Variants in WDR41 observed in about 807,000 individuals in gnomAD.
The protein encoded by WDR41 is WD repeat-containing protein 41.
WDR41 carries 63 observed loss-of-function variants against 69.3 expected under a neutral mutation model. That is an observed-to-expected ratio of 0.91 (90% CI 0.74 to 1.12). The LOEUF (loss-of-function observed/expected upper bound fraction) is 1.12. WDR41 is among the 50% of genes most tolerant of loss of function. The pLI, the probability that WDR41 is intolerant of heterozygous loss-of-function variation, is 0.00. For missense variants in WDR41, 543 were observed against 534.5 expected, an observed-to-expected ratio of 1.02 and a Z score of -0.16; for synonymous variants, 185 against 192.1, an observed-to-expected ratio of 0.96 and a Z score of 0.31.
intron 2 of WDR41, among the ~76,000 whole-genome samples, chr5:77,476,150 C>T (rs1800915289): frequency 6.6e-6 from 1 of 152,086 alleles, no homozygotes; most frequent in Admixed American, 6.6e-5. Context: ...ATGACCAAAG[C>T]CTCCAAGAAA....
intron 7 of WDR41, 82 bp from the exon 8 acceptor site, chr5:77,449,952 C>A: frequency 1.0e-6 from 1 of 964,902 alleles, no homozygotes; most frequent in Non-Finnish European, 1.6e-6. Flanking sequence ...ACAAGCATTT[C>A]ATTAAGTGAA....
At chr5:77,444,737 C>T (rs1451131516) in intron 8 of WDR41, among the ~76,000 whole-genome samples, 1 of 152,230 alleles carries the variant, frequency 6.6e-6, no homozygotes, top group South Asian at 2.1e-4. Context: ...ACATCCACAT[C>T]ATGGCTAACG....
intron 1 of WDR41, among the ~76,000 whole-genome samples, chr5:77,546,885 C>T (rs1207075778): frequency 6.6e-6 from 1 of 152,094 alleles, no homozygotes; most frequent in Non-Finnish European, 1.5e-5. Context: ...AAAATACTAG[C>T]TAACCGAATC....
intron 1 of WDR41, among the ~76,000 whole-genome samples, chr5:77,537,454 G>C (rs548745214): frequency 1.3e-5 from 2 of 152,346 alleles, no homozygotes; most frequent in African/African-American, 4.8e-5. Context: ...GAAGGAGTGG[G>C]TGCAGCAGGG....
At chr5:77,494,844 A>G (rs1801914727), upstream of WDR41, among the ~76,000 whole-genome samples, 1 of 152,208 alleles carries the variant, frequency 6.6e-6, no homozygotes, top group South Asian at 2.1e-4. Flanking sequence ...CAACATCAGC[A>G]TAAACATTCA....
chr5:77,437,868 C>T lies in WDR41; in HGVS notation c.1004+372G>A, dbSNP rs530432050. ...GGAAACCACTCACTTAGTAGCCTCA[C>T]ACAACAAGGAGACCAGCAACCATTT... On this transcript the variant is annotated intron_variant, in intron 10 of 12. Transcript: ENST00000296679. Among the ~76,000 whole-genome samples the T allele has an allele frequency of 9.2e-5, 14 of 152,234 alleles. No individual in the cohort carries two copies. The East Asian group carries it at 2.7e-3, about 29-fold the overall frequency.
chr5:77,598,411 A>C (rs899651361), intron 1 of WDR41, among the ~76,000 whole-genome samples: 1 of 152,198 alleles, frequency 6.6e-6, no homozygotes, highest in African/African-American at 2.4e-5. Flanking sequence ...AATCTGGGGG[A>C]AAAGGCTCTC....
chr5:77,521,289 A>G (rs2112191182), intron 1 of WDR41, among the ~76,000 whole-genome samples: 1 of 152,346 alleles, frequency 6.6e-6, no homozygotes, highest in Admixed American at 6.5e-5. Flanking sequence ...ATAGGGTTTG[A>G]GCTCCTGTGA....
At chr5:77,450,613 C>T (rs1345939052) in intron 7 of WDR41, among the ~76,000 whole-genome samples, 1 of 152,078 alleles carries the variant, frequency 6.6e-6, no homozygotes, top group Non-Finnish European at 1.5e-5. Flanking sequence ...GAATAAGGCC[C>T]AGTCACAAAT....
intron 2 of WDR41, 129 bp downstream of exon 2, chr5:77,489,328 C>A: frequency 2.0e-6 from 1 of 497,858 alleles, no homozygotes; most frequent in Non-Finnish European, 3.4e-6. Context: ...TCAATTTCTA[C>A]TAAATGTTAC....
At position 77,432,023 on chromosome 5, in the gene WDR41, T is replaced by TTAAC. The variant is rs1281635257; in HGVS notation, c.*1108_*1111dup. 2.0e-5 allele frequency: 3 copies of TTAAC among 152,224 alleles called. No homozygotes were observed. Among genetic ancestry groups the TTAAC allele is most frequent in the African/African-American group, 4.8e-5 (2 of 41,466 alleles). 9.4% of individuals were successfully genotyped at this position (152,224 alleles called of 1,614,324 possible). On this transcript the variant is annotated 3_prime_UTR_variant, in exon 13 of 13. Coordinates refer to ENST00000296679, the MANE Select transcript of WDR41 (RefSeq NM_018268.4). ...ATGCCACTGGTCTACTCAGATGACC[T>TTAAC]TAACTCTTCCAGTCTTTGTAGGTAG...
chr5:77,564,173 A>G (rs1337471528), intron 1 of WDR41, among the ~76,000 whole-genome samples: 2 of 152,232 alleles, frequency 1.3e-5, no homozygotes, highest in Non-Finnish European at 2.9e-5. Context: ...GAGACCTACC[A>G]GATCCTTATG....
intron 2 of WDR41, among the ~76,000 whole-genome samples, chr5:77,475,741 G>A (rs957275853): frequency 6.6e-6 from 1 of 152,116 alleles, no homozygotes; most frequent in African/African-American, 2.4e-5. Flanking sequence ...CAGAAAAACT[G>A]GAAACTCTAA....
At chr5:77,482,962 G>A (rs1801346970) in intron 2 of WDR41, among the ~76,000 whole-genome samples, 1 of 151,380 alleles carries the variant, frequency 6.6e-6, no homozygotes, top group Admixed American at 6.6e-5. Flanking sequence ...TATCACAGAT[G>A]AGATGGCACC....
At chr5:77,434,565 C>T (rs977885781) in intron 12 of WDR41, among the ~76,000 whole-genome samples, 2 of 151,932 alleles carry the variant, frequency 1.3e-5, no homozygotes, top group East Asian at 1.9e-4. Context: ...ATTAGCTGGG[C>T]GTGGTGGCGG....
At chr5:77,613,930 A>G (rs1442900591) in intron 1 of WDR41, among the ~76,000 whole-genome samples, 1 of 152,244 alleles carries the variant, frequency 6.6e-6, no homozygotes, top group Admixed American at 6.5e-5. Context: ...ATCTGCAATG[A>G]ACTCAAACAA....
At chr5:77,499,955 T>G (rs995050864) in intron 1 of WDR41, among the ~76,000 whole-genome samples, 1 of 117,996 alleles carries the variant, frequency 8.5e-6, no homozygotes, top group Admixed American at 9.4e-5. Context: ...GTCAGGTTAA[T>G]TGCTTGTTAA....
intron 12 of WDR41, 144 bp from the exon 13 acceptor site, chr5:77,433,431 T>A: frequency 1.7e-6 from 1 of 573,756 alleles, no homozygotes; most frequent in Non-Finnish European, 2.8e-6. Flanking sequence ...TTTTCAGTAT[T>A]GGTAAGTCAC....
chr5:77,498,831 A>AAAAAAG (rs1456999797), intron 1 of WDR41, among the ~76,000 whole-genome samples: 1 of 150,416 alleles, frequency 6.6e-6, no homozygotes, highest in East Asian at 1.9e-4. Context: ...AAAAAAAAAG[A>AAAAAAG]AAAAAGAAAA....
Sources: allele counts gnomAD v4.1 joint callset (sites outside exome capture counted in the v4.1 genomes callset), GRCh38; gene constraint gnomAD v4.1.1; transcripts MANE v1.5; gene names NCBI Gene and HGNC (gene_info 2026-07-23, HGNC 2026-07-21).